Variants in BAALC observed in about 807,000 individuals in gnomAD.
BAALC encodes BAALC binder of MAP3K1 and KLF4.
A neutral mutation model predicts 15.5 loss-of-function variants in BAALC; 9 were observed. The ratio of observed to expected loss-of-function variants is 0.58; its 90% CI spans 0.35 to 1.02. BAALC has a LOEUF of 1.02. Ranked by LOEUF, BAALC falls within the 50% of genes least tolerant of loss-of-function variation. BAALC has a pLI of 0.02. For synonymous variants in BAALC, 80 were observed against 74.6 expected, an observed-to-expected ratio of 1.07 and a Z score of -0.37; for missense variants, 201 against 192.4, an observed-to-expected ratio of 1.04 and a Z score of -0.27.
intron 1 of BAALC, among the ~76,000 whole-genome samples, chr8:103,201,760 C>G (rs1009806755): frequency 5.3e-5 from 8 of 152,144 alleles, no homozygotes; most frequent in Non-Finnish European, 7.4e-5. Context: ...AAACTAGAAG[C>G]CTCAGATGTA....
intron 2 of BAALC, among the ~76,000 whole-genome samples, chr8:103,215,688 G>A (rs1050291439): frequency 6.6e-6 from 1 of 152,194 alleles, no homozygotes; most frequent in Non-Finnish European, 1.5e-5. Flanking sequence ...AACGCATTTC[G>A]TGTCTCTGCT....
At position 103,167,025 on chromosome 8, in the gene BAALC, T is replaced by G. The variant is rs898290694; in HGVS notation, c.160+25968T>G. 7.9e-5 allele frequency among the ~76,000 whole-genome samples: 12 copies of G among 152,352 alleles called. 1 individual carries two copies. The South Asian group carries it at 2.5e-3, about 32-fold the overall frequency. ...GGTGAAATGGAACGCTTTGCCTTCA[T>G]GAGTCTCTTAAGTCCACTATTATGA... On this transcript the variant is annotated intron_variant, in intron 1 of 2. Coordinates refer to ENST00000309982, the MANE Select transcript of BAALC (RefSeq NM_024812.3).
intron 1 of BAALC, among the ~76,000 whole-genome samples, chr8:103,149,645 C>G (rs1371049054): frequency 6.6e-6 from 1 of 152,066 alleles, no homozygotes; most frequent in African/African-American, 2.4e-5. Context: ...GCTCAAAAAC[C>G]AAGAAAAATT....
intron 1 of BAALC, among the ~76,000 whole-genome samples, chr8:103,206,863 G>A (rs1812344084): frequency 2.0e-5 from 3 of 152,172 alleles, no homozygotes; most frequent in African/African-American, 7.2e-5. Context: ...GATCCTATGG[G>A]TCACTTTGGA....
chr8:103,216,788 T>C (rs967048335), intron 2 of BAALC, among the ~76,000 whole-genome samples: 12 of 152,228 alleles, frequency 7.9e-5, no homozygotes, highest in African/African-American at 2.9e-4. Flanking sequence ...TACCAAGTAT[T>C]TATTCATATG....
intron 1 of BAALC, among the ~76,000 whole-genome samples, chr8:103,185,239 T>C (rs1043002430): frequency 2.6e-5 from 4 of 152,046 alleles, no homozygotes; most frequent in African/African-American, 9.7e-5. Context: ...CATTCCTGTC[T>C]TATAACCATT....
At chr8:103,220,539 C>T (rs1586442750) in intron 2 of BAALC, among the ~76,000 whole-genome samples, 1 of 152,144 alleles carries the variant, frequency 6.6e-6, no homozygotes, top group East Asian at 1.9e-4. Flanking sequence ...CTGGGCAATA[C>T]TATAAATGAA....
At chr8:103,188,948 T>C (rs1811906607) in intron 1 of BAALC, among the ~76,000 whole-genome samples, 1 of 152,250 alleles carries the variant, frequency 6.6e-6, no homozygotes, top group African/African-American at 2.4e-5. Flanking sequence ...GAGTACCTTT[T>C]AGTTCCATTA....
At chr8:103,159,708 C>T (rs1811179025) in intron 1 of BAALC, among the ~76,000 whole-genome samples, 1 of 152,108 alleles carries the variant, frequency 6.6e-6, no homozygotes, top group South Asian at 2.1e-4. Context: ...TTTGATAGTC[C>T]TGGCTTTCTG....
chr8:103,213,316 T>C, intron 2 of BAALC: 2 of 461,426 alleles, frequency 4.3e-6, no homozygotes, highest in Non-Finnish European at 7.7e-6. Flanking sequence ...AGTACAGCTT[T>C]ATTCAAGGAT....
At chr8:103,226,635 G>A (rs948083417) in intron 2 of BAALC, among the ~76,000 whole-genome samples, 6 of 152,176 alleles carry the variant, frequency 3.9e-5, no homozygotes, top group African/African-American at 1.4e-4. Context: ...GAGAGTCAGG[G>A]ACTGGACACA....
In BAALC at chr8:103,229,420, T is replaced by A. The variant is rs534560475; in HGVS notation, c.*1321T>A. ...ACTGACATGCAGGTCAAAAGTCAGA[T>A]ACGCAACCTCCTTATCTGCTAACTC... On this transcript the variant is annotated 3_prime_UTR_variant, in exon 3 of 3. Coordinates refer to ENST00000309982, the MANE Select transcript of BAALC (RefSeq NM_024812.3). The A allele has an allele frequency of 1.2e-4, 19 of 152,370 alleles. No homozygotes were observed. The highest frequency in any genetic ancestry group is 4.3e-4 in the African/African-American group (18 of 41,592). 9.4% of individuals were successfully genotyped at this position (152,370 alleles called of 1,614,324 possible).
intron 1 of BAALC, among the ~76,000 whole-genome samples, chr8:103,174,558 G>GATGA (rs2129954602): frequency 6.6e-6 from 1 of 152,316 alleles, no homozygotes; most frequent in East Asian, 1.9e-4. Flanking sequence ...GAAAACCCTG[G>GATGA]ATGAATGCAT....
intron 1 of BAALC, among the ~76,000 whole-genome samples, chr8:103,203,022 C>CT (rs2130037269): frequency 6.6e-6 from 1 of 152,322 alleles, no homozygotes; most frequent in Non-Finnish European, 1.5e-5. Flanking sequence ...TCCTGGGCAT[C>CT]TTTTTGGGAA....
At chr8:103,183,040 A>C (rs988502434) in intron 1 of BAALC, among the ~76,000 whole-genome samples, 3 of 152,222 alleles carry the variant, frequency 2.0e-5, no homozygotes, top group African/African-American at 7.2e-5. Context: ...GAATTCAATC[A>C]CATTCTCACC....
intron 1 of BAALC, among the ~76,000 whole-genome samples, chr8:103,170,050 G>A (rs1811443240): frequency 6.6e-6 from 1 of 152,098 alleles, no homozygotes; most frequent in South Asian, 2.1e-4. Context: ...AAGATAGTAA[G>A]CACTTGCTTA....
chr8:103,141,142 T>G (rs1331828443), intron 1 of BAALC, 85 bp downstream of exon 1: 1 of 1,337,304 alleles, frequency 7.5e-7, no homozygotes, highest in East Asian at 3.1e-5. Flanking sequence ...GCCGGTTCCC[T>G]GAGGAATTGA....
intron 1 of BAALC, among the ~76,000 whole-genome samples, chr8:103,146,513 TAGA>T (rs1306221352): frequency 6.6e-6 from 1 of 152,244 alleles, no homozygotes; most frequent in African/African-American, 2.4e-5. Flanking sequence ...TCTGTTGGGT[TAGA>T]TAAGGTTTCA....
chr8:103,152,217 C>T (rs890488979), intron 1 of BAALC, among the ~76,000 whole-genome samples: 27 of 152,078 alleles, frequency 1.8e-4, no homozygotes, highest in African/African-American at 3.1e-4. Context: ...GCCTGCATGA[C>T]GAGGTCCCTG....
Sources: allele counts gnomAD v4.1 joint callset (sites outside exome capture counted in the v4.1 genomes callset), GRCh38; gene constraint gnomAD v4.1.1; transcripts MANE v1.5; gene names NCBI Gene and HGNC (gene_info 2026-07-23, HGNC 2026-07-21).